Variants in SMARCB1 observed in about 807,000 individuals in gnomAD.
The protein encoded by SMARCB1 is SWI/SNF related BAF chromatin remodeling complex subunit B1.
A neutral mutation model predicts 49.0 loss-of-function variants in SMARCB1; 5 were observed. The ratio of observed to expected loss-of-function variants is 0.10; its 90% CI spans 0.05 to 0.21. The LOEUF (loss-of-function observed/expected upper bound fraction) is 0.21. Ranked by LOEUF, SMARCB1 falls within the 10% of genes least tolerant of loss-of-function variation. SMARCB1 has a pLI of 1.00. For missense variants in SMARCB1, 226 were observed against 509.2 expected, an observed-to-expected ratio of 0.44 and a Z score of 5.35; for synonymous variants, 201 against 200.1, an observed-to-expected ratio of 1.00 and a Z score of -0.04.
chr22:23,836,815 C>T lies in SMARCB1; in HGVS notation c.*2635C>T. 7.0e-7 allele frequency: 1 copy of T among 1,431,346 alleles called. No homozygotes were observed. Among genetic ancestry groups the T allele is most frequent in the Non-Finnish European group, 9.2e-7 (1 of 1,091,606 alleles). 88.7% of individuals were successfully genotyped at this position (1,431,346 alleles called of 1,614,324 possible). On this transcript the variant is annotated 3_prime_UTR_variant, in exon 9 of 9. Transcript: ENST00000644036. ...GGTTTTTTCTGCCCCAAGTAGGGGTCATGGGTAGGATGGAAGCTGCCAGAA... is the reference window on the plus strand; with the variant it reads ...GGTTTTTTCTGCCCCAAGTAGGGGTTATGGGTAGGATGGAAGCTGCCAGAA...
chr22:23,814,731 G>T (rs1465479269), intron 5 of SMARCB1, among the ~76,000 whole-genome samples: 1 of 151,832 alleles, frequency 6.6e-6, no homozygotes, highest in Non-Finnish European at 1.5e-5. Flanking sequence ...AGCACTTTGG[G>T]AGGCTGAGGT....
chr22:23,819,243 T>G (rs1402644863), intron 6 of SMARCB1, among the ~76,000 whole-genome samples: 2 of 152,238 alleles, frequency 1.3e-5, no homozygotes, highest in African/African-American at 4.8e-5. Context: ...CTTGGGTTGC[T>G]TCCACATTTT....
At chr22:23,815,665 A>G (rs374955320) in intron 5 of SMARCB1, 10 of 152,346 alleles carry the variant, frequency 6.6e-5, no homozygotes, top group South Asian at 6.2e-4. Flanking sequence ...GGGAAACTGG[A>G]AATGATCTAG....
At chr22:23,824,708 C>T (rs760600880) in intron 6 of SMARCB1, 8 of 184,528 alleles carry the variant, frequency 4.3e-5, no homozygotes, top group Non-Finnish European at 9.3e-5. Context: ...ACTGTGATCC[C>T]TGCAGGCTTC....
intron 2 of SMARCB1, chr22:23,792,549 T>TG (rs1222982268): frequency 2.9e-5 from 5 of 172,204 alleles, no homozygotes; most frequent in African/African-American, 1.2e-4. Context: ...CTTGGGCAGG[T>TG]GGCAAAACTG....
In SMARCB1 at chr22:23,837,394, A is replaced by G. The variant is rs775356055; in HGVS notation, c.*3214A>G. Reference sequence around the variant, plus strand: ...TGAGAATAGTGGAGGAGTGGGAGCCATGGGGCAGGAACCCTGACCCTCCCA... The same window carrying G: ...TGAGAATAGTGGAGGAGTGGGAGCCGTGGGGCAGGAACCCTGACCCTCCCA... On this transcript the variant is annotated 3_prime_UTR_variant, in exon 9 of 9. Coordinates refer to ENST00000644036, the MANE Select transcript of SMARCB1 (RefSeq NM_003073.5). 4.9e-5 allele frequency: 32 copies of G among 650,262 alleles called. No homozygotes were observed. Among genetic ancestry groups the G allele is most frequent in the African/African-American group, 7.3e-5 (4 of 54,698 alleles). 40.3% of individuals were successfully genotyped at this position (650,262 alleles called of 1,614,324 possible).
At chr22:23,810,542 A>AAG (rs1929807191) in intron 5 of SMARCB1, among the ~76,000 whole-genome samples, 1 of 151,028 alleles carries the variant, frequency 6.6e-6, no homozygotes, top group Non-Finnish European at 1.5e-5. Flanking sequence ...AAAAAAAAAA[A>AAG]AAAAAGAAAG....
At chr22:23,817,174 A>C in intron 6 of SMARCB1, 1 of 592,174 alleles carries the variant, frequency 1.7e-6, no homozygotes, top group Non-Finnish European at 3.0e-6. Context: ...AGGCACTGCC[A>C]GGCTCTGAGC....
Position 23,834,175 on chromosome 22 carries a change from T to TGGTAACCAGCCC in SMARCB1, c.1154_*7dup. On this transcript the variant is annotated stop_gained and inframe_insertion, in exon 9 of 9. Transcript: ENST00000644036. LOFTEE classifies it high-confidence loss of function. ...GCGTCTTGCCAACACGGCCCCGGCC[T>TGGTAACCAGCCC]GGTAACCAGCCCATCAGCACACGGC... 2 of 1,591,328 alleles carry TGGTAACCAGCCC rather than the reference T, an allele frequency of 1.3e-6. No homozygotes were observed. Among genetic ancestry groups the TGGTAACCAGCCC allele is most frequent in the Non-Finnish European group, 1.7e-6 (2 of 1,169,180 alleles).
chr22:23,794,125 G>A (rs1444558999), intron 3 of SMARCB1, among the ~76,000 whole-genome samples: 1 of 152,158 alleles, frequency 6.6e-6, no homozygotes, highest in Non-Finnish European at 1.5e-5. Flanking sequence ...TGTATTTTTG[G>A]TAGAGACGAG....
At chr22:23,812,587 C>T (rs961556797) in intron 5 of SMARCB1, among the ~76,000 whole-genome samples, 12 of 152,062 alleles carry the variant, frequency 7.9e-5, no homozygotes, top group Middle Eastern at 3.4e-3. Context: ...CAAAATATTG[C>T]GAAATAGAAT....
At chr22:23,791,621 A>G in intron 1 of SMARCB1, 135 bp from the exon 2 acceptor site, 1 of 825,472 alleles carries the variant, frequency 1.2e-6, no homozygotes, top group Admixed American at 1.7e-5. Context: ...ATGTGTTTTA[A>G]TGCTGCCGAA....
At chr22:23,819,352 A>G (rs2029951532) in intron 6 of SMARCB1, among the ~76,000 whole-genome samples, 1 of 151,658 alleles carries the variant, frequency 6.6e-6, no homozygotes, top group African/African-American at 2.4e-5. Flanking sequence ...ATTCATTTAG[A>G]TGGAGTCTCA....
chr22:23,814,235 A>G (rs1930047929), intron 5 of SMARCB1, among the ~76,000 whole-genome samples: 1 of 152,200 alleles, frequency 6.6e-6, no homozygotes, highest in African/African-American at 2.4e-5. Flanking sequence ...GGAGTGACAT[A>G]CCGTGATGGA....
chr22:23,818,137 G>GGTGTGTGTGTGT (rs60463265), intron 6 of SMARCB1: 4 of 132,924 alleles, frequency 3.0e-5, no homozygotes, highest in Non-Finnish European at 4.8e-5. Context: ...AAATACTTTG[G>GGTGTGTGTGTGT]GTGTGTGTGT....
intron 1 of SMARCB1, among the ~76,000 whole-genome samples, chr22:23,790,565 C>T (rs952103243): frequency 6.6e-6 from 1 of 151,026 alleles, no homozygotes; most frequent in South Asian, 2.1e-4. Flanking sequence ...TTAATTAGGC[C>T]GGGTATGTGG....
intron 5 of SMARCB1, 171 bp from the exon 6 acceptor site, chr22:23,816,599 C>A: frequency 1.4e-6 from 1 of 707,738 alleles, no homozygotes; most frequent in South Asian, 1.6e-5. Context: ...GCCTGCTAGT[C>A]ATGTGCTTCC....
intron 5 of SMARCB1, among the ~76,000 whole-genome samples, chr22:23,810,301 C>T (rs994246550): frequency 6.6e-6 from 1 of 151,612 alleles, no homozygotes; most frequent in Non-Finnish European, 1.5e-5. Context: ...CCAAGGCAGG[C>T]GGATCACAAG....
At chr22:23,790,202 G>C (rs1444622338) in intron 1 of SMARCB1, among the ~76,000 whole-genome samples, 1 of 151,964 alleles carries the variant, frequency 6.6e-6, no homozygotes, top group Admixed American at 6.6e-5. Context: ...GTCATAGGGG[G>C]GAGTATTGTC....
Sources: gnomAD v4.1 joint callset for allele counts (sites outside exome capture counted in the v4.1 genomes callset) on GRCh38, gnomAD v4.1.1 for gene constraint, MANE v1.5 for transcripts, NCBI Gene and HGNC (gene_info 2026-07-23, HGNC 2026-07-21) for gene names.